Variants in BICD1 observed in about 807,000 individuals in gnomAD.
BICD1 encodes BICD cargo adaptor 1, also known as protein bicaudal D homolog 1.
In BICD1, 35 loss-of-function variants were observed where a neutral mutation model predicts 92.5. The observed-to-expected ratio is 0.38, with a 90% CI of 0.29 to 0.50. The LOEUF (loss-of-function observed/expected upper bound fraction) is 0.50. BICD1 is among the 20% of genes least tolerant of loss of function. The pLI is 0.93. For missense variants in BICD1, 950 were observed against 1,189.8 expected (o/e 0.80, Z 2.97); for synonymous variants, 429 against 465.1 (o/e 0.92, Z 1.00).
intron 1 of BICD1, among the ~76,000 whole-genome samples, chr12:32,196,663 CTT>C (rs1365247502): frequency 6.6e-6 from 1 of 152,124 alleles, no homozygotes; most frequent in Non-Finnish European, 1.5e-5. Context: ...AGTGTACAAA[CTT>C]TTAGTTTTAA....
intron 3 of BICD1, among the ~76,000 whole-genome samples, chr12:32,301,490 A>G (rs1445716710): frequency 6.6e-6 from 1 of 152,094 alleles, no homozygotes; most frequent in Non-Finnish European, 1.5e-5. Flanking sequence ...AACAAAAAGT[A>G]GAGGCCGAGT....
chr12:32,238,570 G>A (rs911131935), intron 2 of BICD1, among the ~76,000 whole-genome samples: 8 of 152,160 alleles, frequency 5.3e-5, no homozygotes, highest in Non-Finnish European at 8.8e-5. Flanking sequence ...AGTAAAATGC[G>A]ATCAAACAGC....
chr12:32,168,734 C>A lies in BICD1; in HGVS notation c.214-47513C>A, dbSNP rs1943846662. 2.0e-5 allele frequency among the ~76,000 whole-genome samples: 3 copies of A among 152,230 alleles called. No homozygotes were observed. In the South Asian group the frequency reaches 6.2e-4, roughly 32 times the overall value. Reference sequence around the variant, plus strand: ...CCTGTAATCCCAGCACTCTGGGAGGCCAAGGCAGGTGGATCATCTGACGTC... The same window carrying A: ...CCTGTAATCCCAGCACTCTGGGAGGACAAGGCAGGTGGATCATCTGACGTC... On this transcript the variant is annotated intron_variant, in intron 1 of 9. Transcript: ENST00000652176.
rs980621130 is a variant in BICD1 at position 32,302,067 on chromosome 12, T to C, written c.580-3630T>C. The stretch of plus-strand genomic sequence containing the variant: ...ACGCCCCACTAATTTTTTGTATTTT[T>C]AGTAGAGACGGGGTTTCACTGTGTT... On this transcript the variant is annotated intron_variant, in intron 3 of 9. Coordinates refer to ENST00000652176, the MANE Select transcript of BICD1 (RefSeq NM_001714.4). 5.9e-5 allele frequency among the ~76,000 whole-genome samples: 9 copies of C among 152,062 alleles called. No homozygotes were observed. The South Asian group carries it at 8.3e-4, about 14-fold the overall frequency.
At chr12:32,318,187 C>T (rs1288264928) in intron 4 of BICD1, among the ~76,000 whole-genome samples, 252 of 151,720 alleles carry the variant, frequency 1.7e-3, no homozygotes, top group Middle Eastern at 3.4e-3. Flanking sequence ...ATTGACTTGG[C>T]GATGCAGGCT....
intron 2 of BICD1, among the ~76,000 whole-genome samples, chr12:32,218,293 G>C (rs1481840962): frequency 2.0e-5 from 3 of 152,088 alleles, no homozygotes; most frequent in Non-Finnish European, 1.5e-5. Context: ...AAATTTGAGG[G>C]GCCTTTCATT....
At chr12:32,274,379 A>G (rs1947224206) in intron 2 of BICD1, among the ~76,000 whole-genome samples, 1 of 152,168 alleles carries the variant, frequency 6.6e-6, no homozygotes, top group South Asian at 2.1e-4. Context: ...CTGGAAACAC[A>G]TTTTGATAGT....
At chr12:32,174,432 G>A (rs148619273) in intron 1 of BICD1, among the ~76,000 whole-genome samples, 219 of 152,076 alleles carry the variant, frequency 1.4e-3, no homozygotes, top group African/African-American at 5.1e-3. Context: ...AAGCCCAGGA[G>A]TTTGAGGCTG....
Position 32,334,636 on chromosome 12 carries a change from T to C in BICD1, c.2221T>C (p.Phe741Leu). Residue 741 changes from phenylalanine (F) to leucine (L), a missense_variant, in exon 6 of 10, where the codon TTC becomes CTC. This residue lies in a region of BICD1 where 309 missense variants were observed against 499.4 expected (regional missense o/e 0.62). Transcript: ENST00000652176. The stretch of plus-strand genomic sequence containing the variant: ...GGCTTTGAAAGAAGATGCTGCAACC[T>C]TCTCATCCCTGAGAGCAATGTTTGC... ...LKALKEDAAT[F>L]SSLRAMFATR... is the part of the protein sequence containing the mutation. The C allele has an allele frequency of 6.2e-7, 1 of 1,612,782 alleles. No individual in the cohort carries two copies. The highest frequency in any genetic ancestry group is 8.5e-7 in the Non-Finnish European group (1 of 1,179,526).
At chr12:32,149,789 G>A (rs982451373) in intron 1 of BICD1, among the ~76,000 whole-genome samples, 1 of 152,180 alleles carries the variant, frequency 6.6e-6, no homozygotes, top group African/African-American at 2.4e-5. Context: ...CCTTCTTATG[G>A]CATCCTCACA....
chr12:32,154,398 A>G (rs1329797020), intron 1 of BICD1, among the ~76,000 whole-genome samples: 1 of 152,088 alleles, frequency 6.6e-6, no homozygotes, highest in Non-Finnish European at 1.5e-5. Flanking sequence ...CTTACCCACC[A>G]CTGTTAGATC....
intron 8 of BICD1, among the ~76,000 whole-genome samples, chr12:32,366,235 A>C (rs1434410795): frequency 6.6e-6 from 1 of 152,270 alleles, no homozygotes; most frequent in Non-Finnish European, 1.5e-5. Flanking sequence ...GTGATACTTA[A>C]ATAGAAGACT....
At chr12:32,232,729 G>A (rs980066167) in intron 2 of BICD1, among the ~76,000 whole-genome samples, 2 of 152,074 alleles carry the variant, frequency 1.3e-5, no homozygotes, top group Non-Finnish European at 1.5e-5. Context: ...TAGGTCAAAC[G>A]TTTAAGTCTT....
chr12:32,115,044 G>A (rs1941840669), intron 1 of BICD1, among the ~76,000 whole-genome samples: 1 of 151,798 alleles, frequency 6.6e-6, no homozygotes, highest in Admixed American at 6.6e-5. Flanking sequence ...GTGGGCGGCG[G>A]GGGAGTTTCA....
intron 1 of BICD1, among the ~76,000 whole-genome samples, chr12:32,166,702 T>C (rs1192767834): frequency 6.6e-6 from 1 of 152,196 alleles, no homozygotes; most frequent in African/African-American, 2.4e-5. Context: ...CAGTGCCTGA[T>C]GTGGGATTAC....
intron 1 of BICD1, among the ~76,000 whole-genome samples, chr12:32,209,999 C>A (rs1244758895): frequency 6.6e-6 from 1 of 152,170 alleles, no homozygotes; most frequent in Admixed American, 6.5e-5. Context: ...GATACGTCAT[C>A]GCAGAAAGTT....
intron 1 of BICD1, among the ~76,000 whole-genome samples, chr12:32,158,310 G>A (rs1303602620): frequency 6.6e-6 from 1 of 151,896 alleles, no homozygotes; most frequent in East Asian, 1.9e-4. Flanking sequence ...GTTTTGCCAT[G>A]TTGGCCAGGC....
intron 2 of BICD1, among the ~76,000 whole-genome samples, chr12:32,223,324 G>A (rs1202657677): frequency 6.6e-6 from 1 of 152,054 alleles, no homozygotes; most frequent in African/African-American, 2.4e-5. Flanking sequence ...TCGAGACCAG[G>A]CTGGCCAACA....
chr12:32,281,634 T>C (rs1292847564), intron 2 of BICD1, among the ~76,000 whole-genome samples: 4 of 152,214 alleles, frequency 2.6e-5, no homozygotes, highest in Non-Finnish European at 5.9e-5. Context: ...ACACATGGAA[T>C]GGATGTCACC....
Sources: allele counts gnomAD v4.1 joint callset (sites outside exome capture counted in the v4.1 genomes callset), GRCh38; gene constraint gnomAD v4.1.1; regional missense constraint gnomAD v4.1.1; transcripts MANE v1.5; gene names NCBI Gene and HGNC (gene_info 2026-07-23, HGNC 2026-07-21).